DDHD1: variants seen among roughly 807,000 people sequenced by gnomAD.
The protein encoded by DDHD1 is phospholipase DDHD1.
Under a neutral mutation model 96.4 loss-of-function variants are expected in DDHD1, and 49 were observed. The observed-to-expected ratio is 0.51, with a 90% confidence interval of 0.40 to 0.64. The LOEUF (loss-of-function observed/expected upper bound fraction) is 0.64. Ranked by LOEUF, DDHD1 falls within the 30% of genes least tolerant of loss-of-function variation. The pLI is 0.00. For synonymous variants in DDHD1, 442 were observed against 446.5 expected (o/e 0.99, Z 0.13); for missense variants, 1,106 against 1,161.2 (o/e 0.95, Z 0.69).
intron 1 of DDHD1, among the ~76,000 whole-genome samples, chr14:53,142,277 G>A (rs1211380764): frequency 2.6e-5 from 4 of 152,166 alleles, no homozygotes. Context: ...CACGTCCATT[G>A]ACTAAGGAGA....
chr14:53,148,754 G>A (rs1328866972), intron 1 of DDHD1, among the ~76,000 whole-genome samples: 1 of 152,172 alleles, frequency 6.6e-6, no homozygotes, highest in Admixed American at 6.5e-5. Context: ...GAGGTACTGA[G>A]TAATAACAAG....
rs751604055 is a variant in DDHD1, at chr14:53,061,157, G to C, written c.1811C>G (p.Ser604Cys). 1.2e-6 allele frequency: 2 copies of C among 1,611,596 alleles called. No individual in the cohort carries two copies. Among genetic ancestry groups the C allele is most frequent in the African/African-American group, 2.7e-5 (2 of 74,894 alleles). ...EERLHGLKASSMTQTPALKFK... is the reference protein window; with the variant it reads ...EERLHGLKASCMTQTPALKFK... Reference sequence around the variant, plus strand: ...TTTTAAGGCAGGTGTTTGTGTCATAGATGATGCTTTCAATCCGTGAAGCCG... The same window carrying C: ...TTTTAAGGCAGGTGTTTGTGTCATACATGATGCTTTCAATCCGTGAAGCCG... The change falls in exon 8 of 13, where the codon TCT (serine) becomes TGT (cysteine). Residue 604 changes from serine to cysteine, a missense_variant. Physicochemically the swap from Ser to Cys is moderately radical, Grantham distance 112. This residue lies in a region of DDHD1 where 650 missense variants were observed against 758.8 expected (regional missense o/e 0.86). Coordinates refer to ENST00000673822, the MANE Select transcript of DDHD1 (RefSeq NM_001160148.2).
intron 1 of DDHD1, among the ~76,000 whole-genome samples, chr14:53,140,909 A>C (rs150778331): frequency 1.0e-3 from 153 of 152,368 alleles, no homozygotes; most frequent in Middle Eastern, 3.4e-3. Context: ...AAAGGAATCT[A>C]GAGTGGCTAT....
chr14:53,084,559 T>C (rs1328171996), intron 4 of DDHD1, among the ~76,000 whole-genome samples: 3 of 152,174 alleles, frequency 2.0e-5, no homozygotes, highest in Admixed American at 1.3e-4. Flanking sequence ...AGTGAAGAGA[T>C]TTCTGTAATA....
At chr14:53,145,502 C>CAAAAAAAA (rs34747977) in intron 1 of DDHD1, among the ~76,000 whole-genome samples, 1 of 61,696 alleles carries the variant, frequency 1.6e-5, no homozygotes, top group African/African-American at 6.4e-5. Flanking sequence ...AACCTTGTCT[C>CAAAAAAAA]AAAAAAAAAA....
chr14:53,100,977 C>G (rs1887252837), intron 2 of DDHD1, among the ~76,000 whole-genome samples: 1 of 152,136 alleles, frequency 6.6e-6, no homozygotes, highest in Non-Finnish European at 1.5e-5. Context: ...CTCTAACAGG[C>G]TTAAAACTCC....
In DDHD1 at chr14:53,080,366, C is replaced by CA. The variant is rs202225135; in HGVS notation, c.1290-6520dup. Among the ~76,000 whole-genome samples, 232 of 149,746 alleles carry CA rather than the reference C, an allele frequency of 1.5e-3. 1 individual carries two copies. Among genetic ancestry groups the CA allele is most frequent in the African/African-American group, 4.8e-3 (196 of 40,930 alleles). ...ACAGAGCAAAACTCTCTCCAAAAAACAAAAAAAAAGACTTTTCACATGGTT... is the reference window on the plus strand; with the variant it reads ...ACAGAGCAAAACTCTCTCCAAAAAACAAAAAAAAAAGACTTTTCACATGGTT... On this transcript the variant is annotated intron_variant, in intron 4 of 12. Transcript: ENST00000673822.
chr14:53,091,356 T>C (rs963663539), intron 4 of DDHD1, among the ~76,000 whole-genome samples: 1 of 152,208 alleles, frequency 6.6e-6, no homozygotes, highest in Admixed American at 6.5e-5. Flanking sequence ...CAGAGTTCAG[T>C]TTCCTTGGGT....
At position 53,046,658 on chromosome 14, in the gene DDHD1, TA is replaced by T; in HGVS notation, c.*109del. 1 of 692,584 alleles carries T rather than the reference TA, an allele frequency of 1.4e-6. No individual in the cohort carries two copies. Among genetic ancestry groups the T allele is most frequent in the Non-Finnish European group, 2.2e-6 (1 of 452,830 alleles). 42.9% of individuals were successfully genotyped at this position (692,584 alleles called of 1,614,324 possible). On this transcript the variant is annotated 3_prime_UTR_variant, in exon 13 of 13. Transcript: ENST00000673822. ...TTTTAAATTCAAATATATGTTGCCC[TA>T]AAGAAAACTGAAATATACTTTAACC...
At chr14:53,146,332 C>T (rs908916396) in intron 1 of DDHD1, among the ~76,000 whole-genome samples, 2 of 151,580 alleles carry the variant, frequency 1.3e-5, no homozygotes, top group Non-Finnish European at 2.9e-5. Flanking sequence ...GGTGAAACTC[C>T]ATATCTACTA....
intron 4 of DDHD1, among the ~76,000 whole-genome samples, chr14:53,089,319 A>C (rs1261065316): frequency 6.6e-6 from 1 of 152,168 alleles, no homozygotes; most frequent in African/African-American, 2.4e-5. Flanking sequence ...AACTACTCTA[A>C]AGTTCATATG....
chr14:53,103,237 A>T (rs1462324887), intron 2 of DDHD1: 4 of 496,376 alleles, frequency 8.1e-6, no homozygotes, highest in Admixed American at 4.0e-5. Context: ...TTAAAACTTG[A>T]TATGGTTTTC....
chr14:53,069,226 G>A (rs528186464), intron 6 of DDHD1, among the ~76,000 whole-genome samples: 3 of 152,176 alleles, frequency 2.0e-5, no homozygotes, highest in Non-Finnish European at 4.4e-5. Context: ...GTTTTCCTCA[G>A]TGGGAAATAA....
chr14:53,135,260 G>C (rs1890147675), intron 1 of DDHD1, among the ~76,000 whole-genome samples: 1 of 152,004 alleles, frequency 6.6e-6, no homozygotes, highest in Non-Finnish European at 1.5e-5. Context: ...CACCCTAACT[G>C]ATCAATTGAC....
intron 1 of DDHD1, among the ~76,000 whole-genome samples, chr14:53,113,357 T>C (rs1253060804): frequency 5.4e-5 from 8 of 148,580 alleles, no homozygotes; most frequent in Non-Finnish European, 1.0e-4. Flanking sequence ...TTCTTTTTTT[T>C]TTCTTTTTAA....
intron 1 of DDHD1, among the ~76,000 whole-genome samples, chr14:53,145,549 T>A (rs1307669318): frequency 6.6e-6 from 1 of 151,406 alleles, no homozygotes. Context: ...TACAACTAGT[T>A]ATTTGTCCCA....
chr14:53,110,697 T>A (rs1218637512), intron 1 of DDHD1, among the ~76,000 whole-genome samples: 1 of 152,204 alleles, frequency 6.6e-6, no homozygotes, highest in African/African-American at 2.4e-5. Flanking sequence ...CTATCATAGC[T>A]AGGCGTGGTG....
chr14:53,080,394 G>T (rs766311249), intron 4 of DDHD1, among the ~76,000 whole-genome samples: 4 of 152,052 alleles, frequency 2.6e-5, no homozygotes, highest in Non-Finnish European at 5.9e-5. Flanking sequence ...ACATGGTTAA[G>T]AGCCATTTCC....
Position 53,152,667 on chromosome 14 carries a change from T to A in DDHD1, c.432A>T (p.Lys144Asn). Residue 144 changes from lysine to asparagine, a missense_variant, in exon 1 of 13, where the codon AAA (lysine) becomes AAT (asparagine). Physicochemically the swap from Lys to Asn is moderately conservative, Grantham distance 94 (BLOSUM62 0). Transcript: ENST00000673822. ...GATGGSPGERKRTRLGGPAAR... is the reference protein window; with the variant it reads ...GATGGSPGERNRTRLGGPAAR... ...CCGCCGGGCCGCCAAGCCGGGTACG[T>A]TTCCTTTCCCCGGGGGACCCTCCTG... 1 of 1,612,694 alleles carries A rather than the reference T, an allele frequency of 6.2e-7. No homozygotes were observed. The highest frequency in any genetic ancestry group is 8.5e-7 in the Non-Finnish European group (1 of 1,179,724).
Sources: allele counts gnomAD v4.1 joint callset (sites outside exome capture counted in the v4.1 genomes callset), GRCh38; gene constraint gnomAD v4.1.1; regional missense constraint gnomAD v4.1.1; transcripts MANE v1.5; gene names NCBI Gene and HGNC (gene_info 2026-07-23, HGNC 2026-07-21).